The following PIGG variants were observed in gnomAD, a reference collection of about 807,000 sequenced individuals.
PIGG encodes the protein phosphatidylinositol glycan anchor biosynthesis class G (EMM blood group).
Under a neutral mutation model 83.2 loss-of-function variants are expected in PIGG, and 70 were observed. That is an observed-to-expected ratio of 0.84 (90% CI 0.69 to 1.03). PIGG has a LOEUF of 1.03. PIGG is among the 50% of genes least tolerant of loss of function. PIGG has a pLI of 0.00. For missense variants in PIGG, 1,257 were observed against 1,233.6 expected (o/e 1.02, Z -0.28); for synonymous variants, 532 against 519.5 (o/e 1.02, Z -0.33).
At position 523,639 on chromosome 4, in the gene PIGG, C is replaced by T. The variant is rs575980069; in HGVS notation, c.1795C>T (p.Leu599=). The change falls in exon 9 of 13, where the codon CTG becomes TTG. Residue 599 remains leucine, a synonymous_variant. Coordinates refer to ENST00000453061, the MANE Select transcript of PIGG (RefSeq NM_001127178.3). ...CCAAGAAACCTACAGAAACTACTTTCTGGGAGATGACGGTGAGCCTCCGTG... is the reference window on the plus strand; with the variant it reads ...CCAAGAAACCTACAGAAACTACTTTTTGGGAGATGACGGTGAGCCTCCGTG... The part of the protein sequence containing the change: ...LSQETYRNYF[L]GDDGEPPCGL... 4 of 1,614,218 alleles carry T rather than the reference C, an allele frequency of 2.5e-6. No individual in the cohort carries two copies. In the African/African-American group the frequency reaches 4.0e-5, roughly 16 times the overall value.
chr4:502,551 T>G (rs1265115161), intron 2 of PIGG, among the ~76,000 whole-genome samples: 2 of 152,246 alleles, frequency 1.3e-5, no homozygotes, highest in African/African-American at 4.8e-5. Flanking sequence ...CAGCTTTGTT[T>G]TAAAGTCATG....
Position 500,612 on chromosome 4 carries a change from C to T in PIGG, c.360+11C>T. ...ATGCCTCGAATCAAGGTAAGTTTGC[C>T]TTAATGTTTTATGAATCATGGTTTG... On this transcript the variant is annotated intron_variant, in intron 2 of 12. Transcript: ENST00000453061. 6.4e-7 allele frequency: 1 copy of T among 1,554,824 alleles called. No individual in the cohort carries two copies. The highest frequency in any genetic ancestry group is 1.1e-5 in the South Asian group (1 of 89,854).
chr4:521,630 T>C (rs1437487191), intron 7 of PIGG, 30 bp from the exon 8 acceptor site: 1 of 1,605,212 alleles, frequency 6.2e-7, no homozygotes, highest in South Asian at 1.1e-5. Context: ...AGCCCAGCAG[T>C]CTGTGGATGC....
Position 538,817 on chromosome 4 carries a change from T to G in PIGG, c.2736-336T>G, listed in dbSNP as rs528313114. On this transcript the variant is annotated intron_variant, in intron 12 of 12. Coordinates refer to ENST00000453061, the MANE Select transcript of PIGG (RefSeq NM_001127178.3). ...ATTTCTGGAGAGCTCAAGGTGTGTGTGGGGGGGGACATGGTGGCCCTCACC... is the reference window on the plus strand; with the variant it reads ...ATTTCTGGAGAGCTCAAGGTGTGTGGGGGGGGGGACATGGTGGCCCTCACC... 1.4e-3 allele frequency among the ~76,000 whole-genome samples: 216 copies of G among 152,138 alleles called. 1 individual carries two copies. The highest frequency in any genetic ancestry group is 4.8e-3 in the African/African-American group (201 of 41,510).
rs1162996177 is a variant in PIGG, at chr4:523,841, G to T, written c.1997G>T (p.Arg666Leu). ...CCGTGGCTAATACTGGCCTGCTGCC[G>T]GCTGCTGCGCTCCCTAAACCAGACA... The part of the protein sequence containing the change: ...ASPWLILACC[R>L]LLRSLNQTGV... The change falls in exon 9 of 13, where the codon CGG becomes CTG. Residue 666 changes from arginine to leucine, a missense_variant. Physicochemically the swap from Arg to Leu is moderately radical, Grantham distance 102. Coordinates refer to ENST00000453061, the MANE Select transcript of PIGG (RefSeq NM_001127178.3). 1 of 1,602,680 alleles carries T rather than the reference G, an allele frequency of 6.2e-7. No individual in the cohort carries two copies. The highest frequency in any genetic ancestry group is 8.5e-7 in the Non-Finnish European group (1 of 1,174,980).
Position 523,694 on chromosome 4 carries a change from G to A in PIGG, c.1850G>A (p.Gly617Glu). 1 of 1,614,216 alleles carries A rather than the reference G, an allele frequency of 6.2e-7. No individual in the cohort carries two copies. The highest frequency in any genetic ancestry group is 8.5e-7 in the Non-Finnish European group (1 of 1,180,030). ...CGLCVEQGHD[G>E]ATAAWQDGPG... ...CTCTGTGTGGAACAAGGGCATGACGGGGCCACAGCAGCGTGGCAGGACGGG... is the reference window on the plus strand; with the variant it reads ...CTCTGTGTGGAACAAGGGCATGACGAGGCCACAGCAGCGTGGCAGGACGGG... The change falls in exon 9 of 13, where the codon GGG becomes GAG. Residue 617 changes from glycine (G) to glutamate (E), a missense_variant. By Grantham distance (98) the Gly-to-Glu change is moderately conservative. Transcript: ENST00000453061.
chr4:501,921 G>A (rs1360972745), intron 2 of PIGG: 3 of 152,222 alleles, frequency 2.0e-5, no homozygotes, highest in African/African-American at 4.8e-5. Context: ...GGAATGGAGA[G>A]GGAGGTGAGA....
At chr4:531,459 G>A (rs1406678911) in intron 11 of PIGG, 2 of 152,916 alleles carry the variant, frequency 1.3e-5, no homozygotes, top group African/African-American at 4.8e-5. Context: ...CTACCGTGAG[G>A]TCTGTATTTT....
chr4:533,751 C>A, intron 11 of PIGG, 67 bp from the exon 12 acceptor site: 1 of 1,480,750 alleles, frequency 6.8e-7, no homozygotes. Flanking sequence ...TCGTGGCTCA[C>A]GCTAACATCG....
Position 505,804 on chromosome 4 carries a change from AC to A in PIGG, c.448del (p.Gln150LysfsTer9), listed in dbSNP as rs1719472759. 2 of 1,613,550 alleles carry A rather than the reference AC, an allele frequency of 1.2e-6. No individual in the cohort carries two copies. Among genetic ancestry groups the A allele is most frequent in the Non-Finnish European group, 1.7e-6 (2 of 1,179,918 alleles). Reference protein sequence around the residue: ...PALLEDSVIRQAKAAGKRIVF... With the variant: ...PALLEDSVIRXAKAAGKRIVF... ...CACTGCTGGAAGACAGTGTGATAAG[AC>A]AAGCAAAAGCAGCTGGAAAAAGAAT... On this transcript the variant is annotated frameshift_variant, in exon 3 of 13. Coordinates refer to ENST00000453061, the MANE Select transcript of PIGG (RefSeq NM_001127178.3). LOFTEE classifies it high-confidence loss of function.
chr4:499,243 G>T lies in PIGG; in HGVS notation c.-93G>T. 1.4e-6 allele frequency: 2 copies of T among 1,404,172 alleles called. No homozygotes were observed. Among genetic ancestry groups the T allele is most frequent in the Non-Finnish European group, 2.0e-6 (2 of 1,024,818 alleles). The allele number at this position is 1,404,172 out of a possible 1,614,324, so 87.0% of individuals were successfully genotyped here. ...TGCGACGATAAGGCCTGGCGTTATT[G>T]CTTAGAGGCGGCTACCTGGAGCCGG... On this transcript the variant is annotated 5_prime_UTR_variant, in exon 1 of 13. Coordinates refer to ENST00000453061, the MANE Select transcript of PIGG (RefSeq NM_001127178.3).
In PIGG at chr4:516,875, AAAAG is replaced by A. The variant is rs1482532751; in HGVS notation, c.1114+693_1114+696del. Among the ~76,000 whole-genome samples the A allele has an allele frequency of 3.0e-3, 449 of 150,814 alleles. 1 individual carries two copies. The highest frequency in any genetic ancestry group is 5.0e-3 in the Non-Finnish European group (337 of 67,544). On this transcript the variant is annotated intron_variant, in intron 6 of 12. Coordinates refer to ENST00000453061, the MANE Select transcript of PIGG (RefSeq NM_001127178.3). ...GCCTCAAAAAAAAAAAAAAAAAAAA[AAAAG>A]AAGGAATAAACAGGCGTGGGGTGGG...
At chr4:533,442 G>C (rs907203350) in intron 11 of PIGG, 1 of 193,202 alleles carries the variant, frequency 5.2e-6, no homozygotes, top group Non-Finnish European at 1.1e-5. Context: ...CTCGGATGGG[G>C]GTCCTTGAGG....
intron 6 of PIGG, among the ~76,000 whole-genome samples, chr4:520,676 G>A (rs1381041732): frequency 1.3e-5 from 2 of 152,232 alleles, no homozygotes; most frequent in Non-Finnish European, 2.9e-5. Flanking sequence ...TGCATTTCAG[G>A]ATTGTTTTTA....
intron 8 of PIGG, 44 bp from the exon 9 acceptor site, chr4:523,415 C>A: frequency 2.2e-6 from 3 of 1,362,460 alleles, no homozygotes; most frequent in South Asian, 2.6e-5. Context: ...AGATGTGTGT[C>A]GTTATCAGAC....
At chr4:507,724 C>T (rs1193441350) in intron 4 of PIGG, 131 bp downstream of exon 4, 3 of 758,348 alleles carry the variant, frequency 4.0e-6, no homozygotes, top group African/African-American at 3.5e-5. Flanking sequence ...CCAGGGGCCG[C>T]ATGCCACACG....
intron 3 of PIGG, 29 bp downstream of exon 3, chr4:505,956 A>G (rs199696588): frequency 8.0e-5 from 113 of 1,407,014 alleles, no homozygotes; most frequent in Non-Finnish European, 1.1e-4. Flanking sequence ...AAAATATATC[A>G]TACTAGAATA....
intron 12 of PIGG, among the ~76,000 whole-genome samples, chr4:538,251 T>C (rs1731219733): frequency 6.6e-6 from 1 of 152,190 alleles, no homozygotes; most frequent in African/African-American, 2.4e-5. Context: ...TTATCATTTT[T>C]CAATAATCAC....
intron 8 of PIGG, among the ~76,000 whole-genome samples, 177 bp from the exon 9 acceptor site, chr4:523,282 A>G (rs1455399786): frequency 6.6e-6 from 1 of 152,108 alleles, no homozygotes; most frequent in Non-Finnish European, 1.5e-5. Flanking sequence ...TCCCAAGAGG[A>G]AGGTTCCTGC....
Sources: gnomAD v4.1 joint callset for allele counts (sites outside exome capture counted in the v4.1 genomes callset) on GRCh38, gnomAD v4.1.1 for gene constraint, MANE v1.5 for transcripts, NCBI Gene and HGNC (gene_info 2026-07-23, HGNC 2026-07-21) for gene names.